Variants in PASD1 observed in about 807,000 individuals in gnomAD.
The protein encoded by PASD1 is PAS domain containing repressor 1.
A neutral mutation model predicts 58.8 loss-of-function variants in PASD1; 13 were observed. The observed-to-expected ratio is 0.22, with a 90% CI of 0.14 to 0.35. PASD1 has a LOEUF of 0.35. PASD1 is among the 10% of genes least tolerant of loss of function. The probability of loss-of-function intolerance (pLI) is 1.00; values close to 1 mark genes in which losing one functional copy is unlikely to be tolerated. For missense variants in PASD1, 734 were observed against 568.3 expected (o/e 1.29, Z -2.96); for synonymous variants, 236 against 216.7 (o/e 1.09, Z -0.78).
intron 5 of PASD1, among the ~76,000 whole-genome samples, chrX:151,621,279 G>A (rs1218697801): frequency 9.0e-6 from 1 of 111,259 alleles, no homozygotes; most frequent in African/African-American, 3.3e-5. Context: ...TATAAATGAT[G>A]GACCATTGTA....
At chrX:151,610,823 T>C (rs1382167571) in intron 3 of PASD1, among the ~76,000 whole-genome samples, 1 of 111,725 alleles carries the variant, frequency 9.0e-6, no homozygotes, top group East Asian at 2.8e-4. Context: ...CCTCCTAAAG[T>C]TGACTATTTT....
intron 2 of PASD1, 106 bp from the exon 3 acceptor site, chrX:151,604,540 A>C (rs931124008): frequency 1.9e-6 from 1 of 526,060 alleles, no homozygotes; most frequent in African/African-American, 2.3e-5. Context: ...GCATTTTCTC[A>C]TAAGAGTCTT....
intron 9 of PASD1, among the ~76,000 whole-genome samples, chrX:151,654,144 T>G (rs1403347776): frequency 9.5e-6 from 1 of 104,725 alleles, no homozygotes; most frequent in Non-Finnish European, 1.9e-5. Flanking sequence ...TCATTTTAAA[T>G]TTTTTTCTAG....
rs111280804 is a variant in PASD1 at position 151,578,926 on chromosome X, T to C, written c.-28+15087T>C. 4.1e-3 allele frequency among the ~76,000 whole-genome samples: 462 copies of C among 112,226 alleles called. 1 individual carries two copies. Among genetic ancestry groups the C allele is most frequent in the African/African-American group, 0.014 (431 of 30,904 alleles). The stretch of plus-strand genomic sequence containing the variant: ...TTTTAGAATATATTATTTGATTTTT[T>C]TTCTTTTTTCAGGATCATCTGTTGG... On this transcript the variant is annotated intron_variant, in intron 1 of 15. Coordinates refer to ENST00000370357, the MANE Select transcript of PASD1 (RefSeq NM_173493.3).
At chrX:151,670,907 G>T in intron 11 of PASD1, 131 bp from the exon 12 acceptor site, 1 of 758,244 alleles carries the variant, frequency 1.3e-6, no homozygotes, top group South Asian at 3.4e-5. Flanking sequence ...TTCTAGTAAT[G>T]AATGAAATCA....
At chrX:151,597,177 G>A (rs944238151) in intron 1 of PASD1, among the ~76,000 whole-genome samples, 7 of 111,926 alleles carry the variant, frequency 6.3e-5, no homozygotes, top group South Asian at 3.7e-4. Context: ...TTATAAAATA[G>A]ATTGGGTAAT....
intron 11 of PASD1, among the ~76,000 whole-genome samples, chrX:151,669,901 G>A (rs61186528): frequency 0.19 from 20,680 of 111,104 alleles, 2,089 homozygotes; most frequent in East Asian, 0.83. Context: ...TTCTTCTGGT[G>A]TATACTCAGC....
intron 9 of PASD1, among the ~76,000 whole-genome samples, chrX:151,653,787 TTTCTTTCTTTCTTTCC>T (rs1358641488): frequency 1.5e-3 from 21 of 14,240 alleles, no homozygotes; most frequent in African/African-American, 3.3e-3. Flanking sequence ...TCTTTCTTTC[TTTCTTTCTTTCTTTCC>T]TTCCTTCCTT....
chrX:151,655,174 GA>G (rs1359206298), intron 9 of PASD1, among the ~76,000 whole-genome samples: 2 of 111,549 alleles, frequency 1.8e-5, no homozygotes, highest in East Asian at 5.6e-4. Flanking sequence ...CCCTACAAAG[GA>G]CATGAACTCA....
At position 151,664,266 on chromosome X, in the gene PASD1, C is replaced by T; in HGVS notation, c.989C>T (p.Ala330Val). The T allele has an allele frequency of 8.3e-7, 1 of 1,211,256 alleles. No individual in the cohort carries two copies. Among genetic ancestry groups the T allele is most frequent in the Non-Finnish European group, 1.1e-6 (1 of 895,363 alleles). ...CAGCAGGACCCAGAGAACCCAGTTG[C>T]CCCGTTGGACCAGGCAGGCCTGATG... ...MDQQDPENPV[A>V]PLDQAGLMDP... The change falls in exon 11 of 16, where the codon GCC becomes GTC. Residue 330 changes from alanine (A) to valine (V), a missense_variant. Physicochemically the swap from Ala to Val is moderately conservative, Grantham distance 64. Coordinates refer to ENST00000370357, the MANE Select transcript of PASD1 (RefSeq NM_173493.3).
At chrX:151,635,702 A>G (rs2013922568) in intron 8 of PASD1, among the ~76,000 whole-genome samples, 1 of 112,250 alleles carries the variant, frequency 8.9e-6, no homozygotes, top group Non-Finnish European at 1.9e-5. Context: ...TTGTAAAGTA[A>G]AATTTACATG....
chrX:151,644,002 C>T (rs2014028355), intron 8 of PASD1, among the ~76,000 whole-genome samples: 1 of 111,304 alleles, frequency 9.0e-6, no homozygotes, highest in Admixed American at 9.6e-5. Context: ...TAGCATTTAC[C>T]TTAAGATTAT....
At chrX:151,636,762 AT>A (rs771000309) in intron 8 of PASD1, among the ~76,000 whole-genome samples, 1,310 of 109,225 alleles carry the variant, frequency 0.012, 7 homozygotes, top group South Asian at 0.025. Context: ...TGTGCAGTAA[AT>A]TTTTTTTTTC....
chrX:151,618,676 A>C (rs1333640033), intron 4 of PASD1, among the ~76,000 whole-genome samples: 1 of 112,166 alleles, frequency 8.9e-6, no homozygotes, highest in Non-Finnish European at 1.9e-5. Context: ...GCTATGTAAA[A>C]TACTTTTGAG....
rs1033021267 is a variant in PASD1, at chrX:151,640,444, T to C, written c.630-8171T>C. On this transcript the variant is annotated intron_variant, in intron 8 of 15. Coordinates refer to ENST00000370357, the MANE Select transcript of PASD1 (RefSeq NM_173493.3). The stretch of plus-strand genomic sequence containing the variant: ...TATAGTACCTTACAAACTGTAGAAA[T>C]TATATCTGAGCTGTCAGTTCTAGTC... Among the ~76,000 whole-genome samples the C allele has an allele frequency of 3.6e-5, 4 of 111,945 alleles. No individual in the cohort carries two copies. In the East Asian group the frequency reaches 1.1e-3, roughly 31 times the overall value.
intron 6 of PASD1, among the ~76,000 whole-genome samples, 174 bp from the exon 7 acceptor site, chrX:151,622,763 T>C (rs1241966091): frequency 9.0e-6 from 1 of 111,638 alleles, no homozygotes; most frequent in Non-Finnish European, 1.9e-5. Context: ...ATAAATTCTT[T>C]ATGTTTTGAT....
Position 151,623,570 on chromosome X carries a change from A to T in PASD1, c.546+506A>T, listed in dbSNP as rs759159882. ...CTTCCATTAATTTTTCCATTCAGTA[A>T]CATATATAGTAAGTACCTACTGTGT... On this transcript the variant is annotated intron_variant, in intron 7 of 15. Transcript: ENST00000370357. Among the ~76,000 whole-genome samples the T allele has an allele frequency of 2.7e-5, 3 of 111,997 alleles. No homozygotes were observed. The South Asian group carries it at 1.1e-3, about 42-fold the overall frequency.
intron 4 of PASD1, among the ~76,000 whole-genome samples, chrX:151,616,802 G>A (rs1278045118): frequency 9.0e-6 from 1 of 111,416 alleles, no homozygotes; most frequent in East Asian, 2.8e-4. Context: ...GATGAGATTT[G>A]CCCTATTTTC....
At chrX:151,564,950 A>C (rs902836636) in intron 1 of PASD1, among the ~76,000 whole-genome samples, 1 of 111,732 alleles carries the variant, frequency 8.9e-6, no homozygotes, top group African/African-American at 3.3e-5. Flanking sequence ...AGGGAACATA[A>C]CTTTCCAATG....
Sources: allele counts gnomAD v4.1 joint callset (sites outside exome capture counted in the v4.1 genomes callset), GRCh38; gene constraint gnomAD v4.1.1; transcripts MANE v1.5; gene names NCBI Gene and HGNC (gene_info 2026-07-23, HGNC 2026-07-21).